The following DSCAM variants were observed in gnomAD, a reference collection of about 807,000 sequenced individuals.
DSCAM encodes the protein cell adhesion molecule DSCAM.
Under a neutral mutation model 217.7 loss-of-function variants are expected in DSCAM, and 47 were observed. The observed-to-expected ratio is 0.22, with a 90% CI of 0.17 to 0.28. DSCAM has a LOEUF of 0.28. DSCAM is among the 10% of genes least tolerant of loss of function. The pLI is 1.00. For synonymous variants in DSCAM, 1,056 were observed against 1,015.3 expected (o/e 1.04, Z -0.76); for missense variants, 2,080 against 2,618.3 (o/e 0.79, Z 4.49).
chr21:40,829,698 T>C (rs555958152), intron 1 of DSCAM, among the ~76,000 whole-genome samples: 46 of 152,100 alleles, frequency 3.0e-4, no homozygotes, highest in African/African-American at 1.0e-3. Flanking sequence ...CTGCTGAAAT[T>C]TGGAGGGTTT....
chr21:40,137,433 C>T (rs1285013085), intron 18 of DSCAM, among the ~76,000 whole-genome samples: 1 of 151,980 alleles, frequency 6.6e-6, no homozygotes, highest in Non-Finnish European at 1.5e-5. Flanking sequence ...ATGACAGATA[C>T]TAGGTGACTA....
rs183673421 is a variant in DSCAM at position 40,778,943 on chromosome 21, G to A, written c.43+67676C>T. ...GTAGGCTGAGGCAGGAGAATCACTT[G>A]AATTCGGGAGGCAGAGGTTGCGGTG... On this transcript the variant is annotated intron_variant, in intron 1 of 32. Transcript: ENST00000400454. 2.2e-4 allele frequency among the ~76,000 whole-genome samples: 32 copies of A among 143,936 alleles called. No homozygotes were observed. The East Asian group carries it at 6.0e-3, about 27-fold the overall frequency. The allele number at this position is 143,936 out of a possible 152,430, so 94.4% of individuals were successfully genotyped here.
chr21:40,049,757 G>T (rs560286508), intron 30 of DSCAM, among the ~76,000 whole-genome samples: 1 of 152,230 alleles, frequency 6.6e-6, no homozygotes, highest in African/African-American at 2.4e-5. Flanking sequence ...TGTGCGTCCT[G>T]CCTGGCACTC....
intron 3 of DSCAM, among the ~76,000 whole-genome samples, chr21:40,543,453 T>A (rs2076557236): frequency 6.6e-6 from 1 of 152,140 alleles, no homozygotes; most frequent in Non-Finnish European, 1.5e-5. Context: ...GAATCTGGGG[T>A]AGGTCATGTC....
intron 3 of DSCAM, among the ~76,000 whole-genome samples, chr21:40,627,874 A>G (rs1194808916): frequency 6.6e-6 from 1 of 151,476 alleles, no homozygotes; most frequent in Non-Finnish European, 1.5e-5. Context: ...TGCCATAACT[A>G]CTCTTTCCCA....
intron 3 of DSCAM, among the ~76,000 whole-genome samples, chr21:40,452,218 T>C (rs2075725617): frequency 7.0e-6 from 1 of 142,816 alleles, no homozygotes; most frequent in Non-Finnish European, 1.5e-5. Context: ...AGTATATACA[T>C]ACTATGTATA....
At chr21:40,221,206 T>C (rs951554047) in intron 11 of DSCAM, among the ~76,000 whole-genome samples, 4 of 151,740 alleles carry the variant, frequency 2.6e-5, no homozygotes, top group African/African-American at 7.3e-5. Context: ...CCATGAATAA[T>C]AGACGGATCT....
At chr21:40,578,837 C>T (rs2076879128) in intron 3 of DSCAM, among the ~76,000 whole-genome samples, 1 of 152,140 alleles carries the variant, frequency 6.6e-6, no homozygotes. Context: ...AATGGGGATA[C>T]ATAAAATGTG....
intron 1 of DSCAM, among the ~76,000 whole-genome samples, chr21:40,732,149 T>C (rs2091019187): frequency 6.6e-6 from 1 of 152,192 alleles, no homozygotes; most frequent in Admixed American, 6.5e-5. Context: ...ACAAGGATGG[T>C]AGAGGAACCA....
At chr21:40,491,056 T>A (rs2146011698) in intron 3 of DSCAM, among the ~76,000 whole-genome samples, 1 of 152,336 alleles carries the variant, frequency 6.6e-6, no homozygotes, top group Admixed American at 6.5e-5. Context: ...TGCCCCCGTG[T>A]TTTAAGATGT....
intron 1 of DSCAM, among the ~76,000 whole-genome samples, chr21:40,789,638 C>T (rs2091622379): frequency 6.6e-6 from 1 of 150,546 alleles, no homozygotes; most frequent in African/African-American, 2.5e-5. Context: ...TCACTGCAAG[C>T]TCCGCCTCCC....
chr21:40,339,815 A>AGACGGAAAATCCACACCCGCTC (rs145265743), intron 6 of DSCAM, among the ~76,000 whole-genome samples: 4 of 152,282 alleles, frequency 2.6e-5, no homozygotes, highest in African/African-American at 7.2e-5. Flanking sequence ...GTTGGTGCAA[A>AGACGGAAAATCCACACCCGCTC]AGTGATTGCA....
In DSCAM at chr21:40,011,998, G is replaced by A. The variant is rs2088064170; in HGVS notation, c.*1036C>T. The stretch of plus-strand genomic sequence containing the variant: ...ATACCATCTCTGCTGCAACTATTCA[G>A]CTCTACCATTGTGCCATGAAAGCAG... On this transcript the variant is annotated 3_prime_UTR_variant, in exon 33 of 33. Transcript: ENST00000400454. 1 of 152,172 alleles carries A rather than the reference G, an allele frequency of 6.6e-6. No individual in the cohort carries two copies. Among genetic ancestry groups the A allele is most frequent in the African/African-American group, 2.4e-5 (1 of 41,446 alleles). 9.4% of individuals were successfully genotyped at this position (152,172 alleles called of 1,614,324 possible).
At chr21:40,677,678 G>A (rs551694727) in intron 3 of DSCAM, among the ~76,000 whole-genome samples, 119 of 152,216 alleles carry the variant, frequency 7.8e-4, no homozygotes, top group African/African-American at 2.5e-3. Context: ...TGATGCTATC[G>A]GGAGGTGGAT....
chr21:40,049,007 A>C (rs530467685), intron 30 of DSCAM, among the ~76,000 whole-genome samples: 1 of 152,316 alleles, frequency 6.6e-6, no homozygotes, highest in East Asian at 1.9e-4. Context: ...ACTAATACAG[A>C]GGGTTCTGCA....
At chr21:40,074,978 C>T (rs2089343411) in intron 27 of DSCAM, 59 bp downstream of exon 27, 1 of 1,574,644 alleles carries the variant, frequency 6.4e-7, no homozygotes, top group Middle Eastern at 2.1e-4. Context: ...TGGCATCTCT[C>T]CCATTGGCTG....
chr21:40,133,616 AC>A (rs201713706), intron 19 of DSCAM, among the ~76,000 whole-genome samples: 1 of 120,518 alleles, frequency 8.3e-6, no homozygotes, highest in African/African-American at 2.7e-5. Flanking sequence ...AAAACAAAAA[AC>A]AAAAAAAAAG....
chr21:40,711,157 C>A (rs955926573), intron 1 of DSCAM, among the ~76,000 whole-genome samples: 4 of 152,102 alleles, frequency 2.6e-5, no homozygotes, highest in African/African-American at 9.7e-5. Flanking sequence ...GCATAACAGT[C>A]CCCCCTCATT....
rs143022568 is a variant in DSCAM, at chr21:40,358,726, C to T, written c.656-4983G>A. ...CAGAGGCAGGATAATAGCTTGAACC[C>T]GGGAAGCGGAGGTTGCAGTGAGCCA... is the stretch of plus-strand genomic sequence containing the variant. On this transcript the variant is annotated intron_variant, in intron 4 of 32. Transcript: ENST00000400454. Among the ~76,000 whole-genome samples, 302 of 150,364 alleles carry T rather than the reference C, an allele frequency of 2.0e-3. 3 individuals carry two copies. Among genetic ancestry groups the T allele is most frequent in the African/African-American group, 6.9e-3 (281 of 40,668 alleles).
Sources: allele counts gnomAD v4.1 joint callset (sites outside exome capture counted in the v4.1 genomes callset), GRCh38; gene constraint gnomAD v4.1.1; transcripts MANE v1.5; gene names NCBI Gene and HGNC (gene_info 2026-07-23, HGNC 2026-07-21).